WDR62: variants seen among roughly 807,000 people sequenced by gnomAD.
WDR62 encodes WD repeat-containing protein 62.
WDR62 carries 112 observed loss-of-function variants against 160.6 expected under a neutral mutation model. The ratio of observed to expected loss-of-function variants is 0.70; its 90% CI spans 0.60 to 0.82. The LOEUF is 0.82. Ranked by LOEUF, WDR62 falls within the 40% of genes least tolerant of loss-of-function variation. The pLI is 0.00. For synonymous variants in WDR62, 792 were observed against 815.1 expected (o/e 0.97, Z 0.48); for missense variants, 1,819 against 1,983.8 (o/e 0.92, Z 1.58).
At chr19:36,093,914 C>A (rs1599825026) in intron 19 of WDR62, 117 bp from the exon 20 acceptor site, 1 of 1,309,168 alleles carries the variant, frequency 7.6e-7, no homozygotes, top group Non-Finnish European at 1.1e-6. Flanking sequence ...ACCATCTTGA[C>A]CAGCAGCCAA....
intron 3 of WDR62, 80 bp from the exon 4 acceptor site, chr19:36,065,878 G>A: frequency 1.4e-6 from 2 of 1,380,970 alleles, no homozygotes; most frequent in Non-Finnish European, 2.1e-6. Flanking sequence ...AGAGGGCAGA[G>A]TCCTATCAGA....
At chr19:36,067,537 G>A (rs1264908168) in intron 6 of WDR62, 94 bp downstream of exon 6, 29 of 1,571,862 alleles carry the variant, frequency 1.8e-5, no homozygotes, top group African/African-American at 2.7e-5. Context: ...TTTGAGGGCA[G>A]CGGTCTCGGG....
At chr19:36,063,238 T>C (rs368407526) in intron 3 of WDR62, among the ~76,000 whole-genome samples, 1,816 of 123,758 alleles carry the variant, frequency 0.015, 16 homozygotes, top group South Asian at 0.053. Context: ...CCACAGCACC[T>C]GGCCACTTTT....
chr19:36,076,915 T>C (rs897211860), intron 9 of WDR62, among the ~76,000 whole-genome samples: 4 of 152,204 alleles, frequency 2.6e-5, no homozygotes, highest in African/African-American at 9.7e-5. Context: ...GTCTCCCTTT[T>C]GACCCCTGTT....
At chr19:36,072,740 G>T (rs887468003) in intron 8 of WDR62, among the ~76,000 whole-genome samples, 43 of 152,264 alleles carry the variant, frequency 2.8e-4, no homozygotes, top group African/African-American at 1.0e-3. Flanking sequence ...TAGTAGTCGG[G>T]CTCACAGCTC....
intron 16 of WDR62, 55 bp downstream of exon 16, chr19:36,090,575 A>G: frequency 6.6e-7 from 1 of 1,522,398 alleles, no homozygotes. Flanking sequence ...ACCTATTGTG[A>G]CGGCCCACAC....
intron 9 of WDR62, among the ~76,000 whole-genome samples, chr19:36,077,182 C>T (rs1294727653): frequency 1.3e-5 from 2 of 152,118 alleles, no homozygotes; most frequent in Non-Finnish European, 2.9e-5. Context: ...CCACTCCCCC[C>T]ATCCATGGAA....
chr19:36,089,022 C>T lies in WDR62; in HGVS notation c.1769-16C>T, dbSNP rs757591561. ...TGGCCCAGCCCTGCCTAACACACAG[C>T]GTCCTCCTCCCCTAGGCAACAGAGA... On this transcript the variant is annotated splice_polypyrimidine_tract_variant and intron_variant, in intron 13 of 31. Transcript: ENST00000401500. 3.5e-5 allele frequency: 57 copies of T among 1,613,394 alleles called. No individual in the cohort carries two copies. Among genetic ancestry groups the T allele is most frequent in the South Asian group, 2.0e-4 (18 of 91,068 alleles).
Position 36,089,073 on chromosome 19 carries a change from G to A in WDR62, c.1804G>A (p.Asp602Asn), listed in dbSNP as rs1316351970. 2.5e-6 allele frequency: 4 copies of A among 1,614,148 alleles called. No individual in the cohort carries two copies. In the East Asian group the frequency reaches 6.7e-5, roughly 27 times the overall value. Residue 602 changes from aspartate (D) to asparagine (N), a missense_variant, in exon 14 of 32, where the codon GAC becomes AAC. By Grantham distance (23) the Asp-to-Asn change is conservative (BLOSUM62 1). Around this residue, in one of 3 missense-constraint regions of WDR62, gnomAD observed 934 missense variants for 1,157.2 expected, o/e 0.81. Transcript: ENST00000401500. ...CATCCAGATGATCAGCTGTGGGGCT[G>A]ACAAGAGCATCTACTTTCGCAGTGC... is the stretch of plus-strand genomic sequence containing the variant. ...RDIQMISCGA[D>N]KSIYFRSAQQ... is the part of the protein sequence containing the mutation.
In WDR62 at chr19:36,090,389, T is replaced by A. The variant is rs568955694; in HGVS notation, c.1959-56T>A. On this transcript the variant is annotated intron_variant, in intron 15 of 31. Coordinates refer to ENST00000401500, the MANE Select transcript of WDR62 (RefSeq NM_001083961.2). Reference sequence around the variant, plus strand: ...GGGGAGGACAGCAAGAGCCAGAGAATGAGGTGGTGGGGTAGGCGGGGCCCT... The same window carrying A: ...GGGGAGGACAGCAAGAGCCAGAGAAAGAGGTGGTGGGGTAGGCGGGGCCCT... 401 of 1,550,296 alleles carry A rather than the reference T, an allele frequency of 2.6e-4. 7 individuals carry two copies. In the South Asian group the frequency reaches 4.3e-3, roughly 17 times the overall value.
At chr19:36,082,988 C>CTATGGAGGGACTA in intron 10 of WDR62, 75 bp from the exon 11 acceptor site, 1 of 1,337,824 alleles carries the variant, frequency 7.5e-7, no homozygotes, top group Non-Finnish European at 1.1e-6. Context: ...GAAGAAGAGA[C>CTATGGAGGGACTA]TGGCTATGGA....
At chr19:36,069,401 G>A (rs141781814) in intron 7 of WDR62, among the ~76,000 whole-genome samples, 7,503 of 151,934 alleles carry the variant, frequency 0.049, 397 homozygotes, top group East Asian at 0.22. Context: ...CGGGGTGGCG[G>A]GGCAGAGGCG....
Position 36,091,383 on chromosome 19 carries a change from C to A in WDR62, c.2147-19C>A, listed in dbSNP as rs752562215. ...CTCTGACTCCGAAGGCAAGTGCAGC[C>A]TCTCTGCTTTGTTTGCAGAAATTAT... On this transcript the variant is annotated intron_variant, in intron 17 of 31. Transcript: ENST00000401500. The A allele has an allele frequency of 1.4e-5, 22 of 1,613,906 alleles. No homozygotes were observed. In the South Asian group the frequency reaches 2.4e-4, roughly 18 times the overall value.
chr19:36,064,702 C>T (rs902568662), intron 3 of WDR62, among the ~76,000 whole-genome samples: 1 of 152,166 alleles, frequency 6.6e-6, no homozygotes, highest in Admixed American at 6.5e-5. Context: ...CTCAGCCTCC[C>T]GAGTAGCCGG....
chr19:36,058,708 G>GGT, intron 1 of WDR62, 72 bp from the exon 2 acceptor site: 1 of 1,241,620 alleles, frequency 8.1e-7, no homozygotes, highest in Non-Finnish European at 1.2e-6. Flanking sequence ...GACCTGAATG[G>GGT]GTGGCCAAGG....
chr19:36,058,027 G>A (rs533051156), intron 1 of WDR62, among the ~76,000 whole-genome samples: 1 of 152,176 alleles, frequency 6.6e-6, no homozygotes, highest in Non-Finnish European at 1.5e-5. Flanking sequence ...TTCGTGGCTT[G>A]TTGGGAGGAT....
chr19:36,090,675 TG>T (rs750841295), intron 16 of WDR62, among the ~76,000 whole-genome samples, 155 bp downstream of exon 16: 5 of 151,910 alleles, frequency 3.3e-5, no homozygotes, highest in Non-Finnish European at 5.9e-5. Context: ...TGCGAGAGGG[TG>T]GGGAGGGTGA....
chr19:36,100,085 C>T (rs532556401), intron 22 of WDR62, among the ~76,000 whole-genome samples: 18 of 152,252 alleles, frequency 1.2e-4, no homozygotes, highest in Admixed American at 1.1e-3. Context: ...AGCAAGATCC[C>T]ACCTCTACAA....
At chr19:36,079,986 C>G (rs543379494) in intron 9 of WDR62, among the ~76,000 whole-genome samples, 1 of 152,170 alleles carries the variant, frequency 6.6e-6, no homozygotes, top group Admixed American at 6.6e-5. Context: ...ATTTTGAAAT[C>G]TCTTTATATG....
Sources: gnomAD v4.1 joint callset for allele counts (sites outside exome capture counted in the v4.1 genomes callset) on GRCh38, gnomAD v4.1.1 for gene constraint, gnomAD v4.1.1 regional missense constraint, MANE v1.5 for transcripts, NCBI Gene and HGNC (gene_info 2026-07-23, HGNC 2026-07-21) for gene names.